SCAMP1: variants seen among roughly 807,000 people sequenced by gnomAD.
SCAMP1 encodes secretory carrier membrane protein 1.
Under a neutral mutation model 41.8 loss-of-function variants are expected in SCAMP1, and 15 were observed. The ratio of observed to expected loss-of-function variants is 0.36; its 90% CI spans 0.24 to 0.55. The LOEUF (loss-of-function observed/expected upper bound fraction) is 0.55, where lower values mean the gene tolerates loss of function less well. Ranked by LOEUF, SCAMP1 falls within the 20% of genes least tolerant of loss-of-function variation. The pLI is 0.86. For synonymous variants in SCAMP1, 135 were observed against 136.8 expected (o/e 0.99, Z 0.09); for missense variants, 341 against 412.6 (o/e 0.83, Z 1.50).
chr5:78,392,046 A>G (rs370678074), intron 2 of SCAMP1, among the ~76,000 whole-genome samples: 17 of 1,876 alleles, frequency 9.1e-3, no homozygotes, highest in East Asian at 0.018. Context: ...AGACCGTGGA[A>G]AGAGAGGGAG....
intron 2 of SCAMP1, among the ~76,000 whole-genome samples, chr5:78,400,608 T>A (rs1047113260): frequency 6.6e-6 from 1 of 152,230 alleles, no homozygotes; most frequent in Non-Finnish European, 1.5e-5. Flanking sequence ...CTTTGGGAGA[T>A]GTTTATATAA....
intron 8 of SCAMP1, among the ~76,000 whole-genome samples, chr5:78,473,851 G>A (rs1232579633): frequency 6.6e-6 from 1 of 152,066 alleles, no homozygotes; most frequent in Non-Finnish European, 1.5e-5. Context: ...TGTTGTTTTA[G>A]TCCCTTTGGG....
At chr5:78,391,654 G>A (rs957113548) in intron 2 of SCAMP1, among the ~76,000 whole-genome samples, 4 of 152,236 alleles carry the variant, frequency 2.6e-5, no homozygotes, top group Non-Finnish European at 4.4e-5. Flanking sequence ...GCCAAGGCAG[G>A]CGGCTGGGAG....
chr5:78,387,808 T>G (rs1338918207), intron 1 of SCAMP1, among the ~76,000 whole-genome samples: 1 of 152,200 alleles, frequency 6.6e-6, no homozygotes, highest in African/African-American at 2.4e-5. Context: ...TGTGATGTGA[T>G]CCATCTTCAG....
chr5:78,421,880 T>C lies in SCAMP1; in HGVS notation c.552T>C (p.Phe184=), dbSNP rs1227800871. The change falls in exon 6 of 9, where the codon TTT becomes TTC. Residue 184 remains phenylalanine (F), a synonymous_variant. Transcript: ENST00000621999. ...FCVDSARAVD[F]GLSILWFLLF... ...TTGATTCTGCAAGAGCGGTTGATTT[T>C]GGATTGAGTATCCTGTGGTTCTTGC... 12 of 1,613,898 alleles carry C rather than the reference T, an allele frequency of 7.4e-6. No homozygotes were observed. Among genetic ancestry groups the C allele is most frequent in the Non-Finnish European group, 9.3e-6 (11 of 1,179,802 alleles).
intron 2 of SCAMP1, among the ~76,000 whole-genome samples, chr5:78,392,749 C>G (rs929441660): frequency 1.3e-5 from 2 of 152,140 alleles, no homozygotes; most frequent in African/African-American, 2.4e-5. Flanking sequence ...ATGGAAAACA[C>G]AGTTTAAATA....
At position 78,478,420 on chromosome 5, in the gene SCAMP1, G is replaced by C. The variant is rs1003093256; in HGVS notation, c.*2752G>C. Reference sequence around the variant, plus strand: ...TGTCATGTGCTAAACAAAATAATATGAAAGACCTAGTTAAAAATTCTAACC... The same window carrying C: ...TGTCATGTGCTAAACAAAATAATATCAAAGACCTAGTTAAAAATTCTAACC... On this transcript the variant is annotated 3_prime_UTR_variant, in exon 9 of 9. Transcript: ENST00000621999. 2.0e-5 allele frequency: 3 copies of C among 152,522 alleles called. No homozygotes were observed. Among genetic ancestry groups the C allele is most frequent in the African/African-American group, 7.2e-5 (3 of 41,432 alleles). The allele number at this position is 152,522 out of a possible 1,614,324, so 9.4% of individuals were successfully genotyped here.
Position 78,364,873 on chromosome 5 carries a change from G to A in SCAMP1, c.57+4145G>A, listed in dbSNP as rs1014906297. Among the ~76,000 whole-genome samples, 15 of 135,970 alleles carry A rather than the reference G, an allele frequency of 1.1e-4. No individual in the cohort carries two copies. The Admixed American group carries it at 1.1e-3, about 10-fold the overall frequency. The allele number at this position is 135,970 out of a possible 152,430, so 89.2% of individuals were successfully genotyped here. On this transcript the variant is annotated intron_variant, in intron 1 of 8. Transcript: ENST00000621999. ...CACAGGGTGGGGAACATCACACACC[G>A]GGGTCTGTCATGGGGTGGGGGGAGG...
At chr5:78,360,815 C>T in intron 1 of SCAMP1, 87 bp downstream of exon 1, 1 of 1,306,200 alleles carries the variant, frequency 7.7e-7, no homozygotes. Context: ...ACTGCGTCTG[C>T]CCCTCGGCTC....
chr5:78,460,787 TCCTTCCTTCCTTCCTTCCTCC>T (rs1561287069), intron 8 of SCAMP1, among the ~76,000 whole-genome samples: 1 of 47,322 alleles, frequency 2.1e-5, no homozygotes, highest in African/African-American at 1.3e-4. Context: ...CTTCCTTCCT[TCCTTCCTTCCTTCCTTCCTCC>T]CTTCCTTCCT....
chr5:78,366,503 C>T (rs1381025399), intron 1 of SCAMP1, among the ~76,000 whole-genome samples: 1 of 152,116 alleles, frequency 6.6e-6, no homozygotes, highest in Non-Finnish European at 1.5e-5. Flanking sequence ...GCCCTGCTGA[C>T]CTAGTCACCT....
At chr5:78,468,485 G>C (rs899506612) in intron 8 of SCAMP1, among the ~76,000 whole-genome samples, 3 of 152,094 alleles carry the variant, frequency 2.0e-5, no homozygotes, top group Non-Finnish European at 4.4e-5. Flanking sequence ...TTTCCCTTCT[G>C]TTAATTGGTA....
intron 6 of SCAMP1, among the ~76,000 whole-genome samples, chr5:78,434,786 A>T (rs1333975507): frequency 6.6e-6 from 1 of 152,226 alleles, no homozygotes; most frequent in East Asian, 1.9e-4. Flanking sequence ...ATGCAGAAGG[A>T]AGTGTTAGCT....
chr5:78,414,731 A>G (rs983575918), intron 2 of SCAMP1, among the ~76,000 whole-genome samples: 1 of 152,134 alleles, frequency 6.6e-6, no homozygotes, highest in South Asian at 2.1e-4. Context: ...GCTTTCAGAC[A>G]CTACTGATCC....
chr5:78,459,216 G>A, intron 7 of SCAMP1, 29 bp from the exon 8 acceptor site: 1 of 1,011,168 alleles, frequency 9.9e-7, no homozygotes, highest in Non-Finnish European at 1.6e-6. Context: ...ATCAACTTTT[G>A]CCTAATTACA....
chr5:78,383,949 T>G (rs1348709351), intron 1 of SCAMP1, among the ~76,000 whole-genome samples: 1 of 152,112 alleles, frequency 6.6e-6, no homozygotes. Flanking sequence ...TTCAGGATTG[T>G]TTTTCTAGTT....
intron 1 of SCAMP1, among the ~76,000 whole-genome samples, chr5:78,380,031 C>G (rs1210556865): frequency 6.6e-6 from 1 of 152,186 alleles, no homozygotes; most frequent in Non-Finnish European, 1.5e-5. Context: ...AACACACATT[C>G]ATTTTTATCT....
At chr5:78,417,061 T>C (rs1040579074) in intron 4 of SCAMP1, among the ~76,000 whole-genome samples, 8 of 152,212 alleles carry the variant, frequency 5.3e-5, no homozygotes, top group African/African-American at 1.9e-4. Context: ...CTCGCAAGTA[T>C]TTTGTCAAAT....
At chr5:78,372,433 C>T (rs1750964215) in intron 1 of SCAMP1, among the ~76,000 whole-genome samples, 1 of 152,182 alleles carries the variant, frequency 6.6e-6, no homozygotes, top group Non-Finnish European at 1.5e-5. Context: ...GCATTCTCTA[C>T]AGTAATGTAC....
Sources: gnomAD v4.1 joint callset for allele counts (sites outside exome capture counted in the v4.1 genomes callset) on GRCh38, gnomAD v4.1.1 for gene constraint, MANE v1.5 for transcripts, NCBI Gene and HGNC (gene_info 2026-07-23, HGNC 2026-07-21) for gene names.